The following SLC36A1 variants were observed in gnomAD, a reference collection of about 807,000 sequenced individuals.
SLC36A1 encodes the protein proton-coupled amino acid transporter 1.
In SLC36A1, 30 loss-of-function variants were observed where a neutral mutation model predicts 47.5. The ratio of observed to expected loss-of-function variants is 0.63; its 90% CI spans 0.47 to 0.86. SLC36A1 has a LOEUF of 0.86. Ranked by LOEUF, SLC36A1 falls within the 40% of genes least tolerant of loss-of-function variation. The pLI is 0.00. For missense variants in SLC36A1, 517 were observed against 606.0 expected (o/e 0.85, Z 1.54); for synonymous variants, 255 against 249.7 (o/e 1.02, Z -0.20).
At chr5:151,422,107 G>A in the SLC36A1 span, 6 of 152,232 alleles carry the variant, frequency 3.9e-5, no homozygotes, top group African/African-American at 1.4e-4. Context: ...AAAGAAAGTT[G>A]TGTTTGCAAA....
At chr5:151,359,235 C>T in the SLC36A1 span, among the ~76,000 whole-genome samples, 16 of 152,292 alleles carry the variant, frequency 1.1e-4, no homozygotes, top group Admixed American at 3.3e-4. Context: ...CTTCCAGAGT[C>T]AGCTAACTTT....
intron 1 of SLC36A1, among the ~76,000 whole-genome samples, chr5:151,439,245 C>T (rs1312850380): frequency 1.3e-5 from 2 of 152,138 alleles, no homozygotes; most frequent in African/African-American, 2.4e-5. Flanking sequence ...CACCCAGGCC[C>T]CTCCCTTGAC....
At position 151,464,598 on chromosome 5, in the gene SLC36A1, C is replaced by T. The variant is rs142033033; in HGVS notation, c.319C>T (p.Arg107Cys). ...ILVKCAHHFC[R>C]RLNKSFVDYG... The stretch of plus-strand genomic sequence containing the variant: ...GGTGAAATGTGCTCACCACTTCTGC[C>T]GCAGGTGAGAGCCCTCTGAGCCACC... Residue 107 changes from arginine to cysteine, a missense_variant, in exon 4 of 11, where the codon CGC becomes TGC. Physicochemically the swap from Arg to Cys is radical, Grantham distance 180. Transcript: ENST00000243389. 33 of 1,613,774 alleles carry T rather than the reference C, an allele frequency of 2.0e-5. No homozygotes were observed. The highest frequency in any genetic ancestry group is 4.0e-5 in the African/African-American group (3 of 74,908).
chr5:151,378,042 A>G, the SLC36A1 span: 1 of 279,702 alleles, frequency 3.6e-6, no homozygotes, highest in Non-Finnish European at 7.2e-6. Flanking sequence ...TGGGCTATTA[A>G]GCTGTTGAGC....
chr5:151,551,498 A>G, the SLC36A1 span: 4 of 1,614,156 alleles, frequency 2.5e-6, no homozygotes, highest in Non-Finnish European at 3.4e-6. Context: ...CCCATCTGTC[A>G]CCTCAACAGT....
the SLC36A1 span, among the ~76,000 whole-genome samples, chr5:151,514,079 C>A: frequency 0.028 from 4,280 of 152,292 alleles, 186 homozygotes; most frequent in African/African-American, 0.097. Flanking sequence ...ATTTGAAGAT[C>A]TAACCCAGTG....
chr5:151,486,460 C>T (rs1294214949), intron 10 of SLC36A1, among the ~76,000 whole-genome samples: 1 of 152,156 alleles, frequency 6.6e-6, no homozygotes, highest in Non-Finnish European at 1.5e-5. Flanking sequence ...TTTTATGGCT[C>T]CTCAAAAATC....
At chr5:151,512,726 T>C in the SLC36A1 span, 1 of 905,804 alleles carries the variant, frequency 1.1e-6, no homozygotes, top group East Asian at 2.6e-5. The surrounding 1 kb of genome is among the most constrained non-coding windows in gnomAD (Gnocchi z 4.1). Flanking sequence ...GGTGTTTGGC[T>C]GTTTTAGACA....
chr5:151,544,561 G>T, the SLC36A1 span: 1 of 1,614,048 alleles, frequency 6.2e-7, no homozygotes. Flanking sequence ...GTGGAGAATT[G>T]GGGTATAGAG....
intron 1 of SLC36A1, among the ~76,000 whole-genome samples, chr5:151,454,667 T>C (rs1322207360): frequency 1.3e-5 from 2 of 150,788 alleles, no homozygotes; most frequent in African/African-American, 2.4e-5. Flanking sequence ...TAGCCCTGCC[T>C]GACCTTTGAG....
chr5:151,361,630 T>C, the SLC36A1 span, among the ~76,000 whole-genome samples: 4 of 152,326 alleles, frequency 2.6e-5, no homozygotes, highest in African/African-American at 9.6e-5. Context: ...AATTACAGTA[T>C]TTAAATATTT....
upstream of SLC36A1, among the ~76,000 whole-genome samples, chr5:151,435,966 C>T (rs1759751636): frequency 6.6e-6 from 1 of 151,558 alleles, no homozygotes; most frequent in Non-Finnish European, 1.5e-5. Flanking sequence ...CAAATTTTAC[C>T]AAAAGAAAGC....
the SLC36A1 span, among the ~76,000 whole-genome samples, chr5:151,400,038 A>T: frequency 6.6e-6 from 1 of 152,106 alleles, no homozygotes; most frequent in Non-Finnish European, 1.5e-5. Flanking sequence ...TTTAGGGGGT[A>T]CATGTGCAGG....
intron 2 of SLC36A1, among the ~76,000 whole-genome samples, chr5:151,460,819 C>T (rs357608): frequency 0.46 from 67,450 of 146,828 alleles, 16,613 homozygotes; most frequent in South Asian, 0.68. Context: ...TGGTTTGCCC[C>T]ACCCTTTTAT....
At chr5:151,507,238 G>A in the SLC36A1 span, 2 of 1,613,886 alleles carry the variant, frequency 1.2e-6, no homozygotes, top group Non-Finnish European at 8.5e-7. Context: ...AGTCTGGGGG[G>A]CACACTGCAG....
At chr5:151,463,951 C>T (rs357614) in intron 3 of SLC36A1, among the ~76,000 whole-genome samples, 69,815 of 152,012 alleles carry the variant, frequency 0.46, 17,173 homozygotes, top group South Asian at 0.68. Flanking sequence ...ATAATATGAA[C>T]TAATGAGTTA....
chr5:151,398,986 C>T, the SLC36A1 span, among the ~76,000 whole-genome samples: 1 of 149,340 alleles, frequency 6.7e-6, no homozygotes, highest in Non-Finnish European at 1.5e-5. Context: ...AAGATTAGCA[C>T]ATTTGCTTTA....
the SLC36A1 span, among the ~76,000 whole-genome samples, chr5:151,362,222 T>G: frequency 2.6e-5 from 4 of 152,160 alleles, no homozygotes; most frequent in African/African-American, 9.7e-5. Flanking sequence ...TTTGAGATAA[T>G]TTTTTAATAT....
chr5:151,363,059 G>A, the SLC36A1 span, among the ~76,000 whole-genome samples: 2 of 151,988 alleles, frequency 1.3e-5, no homozygotes, highest in African/African-American at 4.8e-5. Context: ...CTTTGTTTTA[G>A]TTTTTATTTG....
Sources: gnomAD v4.1 joint callset for allele counts (sites outside exome capture counted in the v4.1 genomes callset) on GRCh38, gnomAD v4.1.1 for gene constraint, Gnocchi (gnomAD v3.1) non-coding constraint, MANE v1.5 for transcripts, NCBI Gene and HGNC (gene_info 2026-07-23, HGNC 2026-07-21) for gene names.